The following HDAC9 variants were observed in gnomAD, a reference collection of about 807,000 sequenced individuals.
HDAC9 encodes histone deacetylase 9.
In HDAC9, 41 loss-of-function variants were observed where a neutral mutation model predicts 139.4. The ratio of observed to expected loss-of-function variants is 0.29; its 90% CI spans 0.23 to 0.38. HDAC9 has a LOEUF of 0.38. Ranked by LOEUF, HDAC9 falls within the 10% of genes least tolerant of loss-of-function variation. The pLI is 1.00. For missense variants in HDAC9, 1,147 were observed against 1,297.0 expected (o/e 0.88, Z 1.78); for synonymous variants, 517 against 476.2 (o/e 1.09, Z -1.12).
intron 22 of HDAC9, among the ~76,000 whole-genome samples, chr7:18,890,879 A>G (rs1800620989): frequency 6.6e-6 from 1 of 152,202 alleles, no homozygotes; most frequent in Non-Finnish European, 1.5e-5. Flanking sequence ...ATGAAAAGAC[A>G]AAGGTAAGCC....
intron 13 of HDAC9, among the ~76,000 whole-genome samples, chr7:18,729,939 C>A (rs1785896443): frequency 6.6e-6 from 1 of 152,054 alleles, no homozygotes; most frequent in African/African-American, 2.4e-5. Flanking sequence ...TTTGAATACA[C>A]TGAAAGTAAA....
At chr7:18,832,829 G>A (rs1043794456) in intron 19 of HDAC9, among the ~76,000 whole-genome samples, 2 of 151,936 alleles carry the variant, frequency 1.3e-5, no homozygotes, top group Admixed American at 6.6e-5. Flanking sequence ...TCCACCTCCC[G>A]GGTTCAAGCG....
At chr7:18,315,167 A>T (rs1309023968) in intron 1 of HDAC9, among the ~76,000 whole-genome samples, 1 of 152,224 alleles carries the variant, frequency 6.6e-6, no homozygotes, top group Non-Finnish European at 1.5e-5. Flanking sequence ...CTAATATAAG[A>T]CTAATAAGAA....
intron 1 of HDAC9, among the ~76,000 whole-genome samples, chr7:18,349,340 AC>A: frequency 6.6e-6 from 1 of 151,110 alleles, no homozygotes. Flanking sequence ...ACACACACAC[AC>A]ACACACACAC....
At chr7:18,779,965 C>G (rs147426297) in intron 16 of HDAC9, among the ~76,000 whole-genome samples, 2 of 152,132 alleles carry the variant, frequency 1.3e-5, no homozygotes, top group East Asian at 1.9e-4. Flanking sequence ...AGGCAGAGAG[C>G]CTTCATTTAG....
intron 22 of HDAC9, among the ~76,000 whole-genome samples, chr7:18,913,581 G>A (rs1365943998): frequency 6.6e-6 from 1 of 152,054 alleles, no homozygotes; most frequent in Non-Finnish European, 1.5e-5. Flanking sequence ...CAGAAAATAA[G>A]AGGACGCTTA....
At chr7:18,158,710 G>T (rs549951937) in intron 1 of HDAC9, among the ~76,000 whole-genome samples, 9 of 152,344 alleles carry the variant, frequency 5.9e-5, no homozygotes, top group African/African-American at 2.2e-4. Context: ...ATAAAGCTCT[G>T]CTGACTTGTG....
chr7:18,478,205 G>A (rs554044184), intron 1 of HDAC9, among the ~76,000 whole-genome samples: 13 of 152,162 alleles, frequency 8.5e-5, no homozygotes, highest in South Asian at 6.2e-4. Flanking sequence ...CCGAGTAGCT[G>A]GGACTACAGG....
intron 6 of HDAC9, among the ~76,000 whole-genome samples, chr7:18,624,726 A>G (rs1032261433): frequency 6.6e-6 from 1 of 151,904 alleles, no homozygotes; most frequent in Non-Finnish European, 1.5e-5. Context: ...GAGTCAGCAC[A>G]CTAGGCCATT....
intron 1 of HDAC9, among the ~76,000 whole-genome samples, chr7:18,453,852 A>T (rs983099482): frequency 6.6e-6 from 1 of 152,166 alleles, no homozygotes; most frequent in Non-Finnish European, 1.5e-5. Flanking sequence ...CAATCTACAG[A>T]TGAAAACCAG....
intron 2 of HDAC9, among the ~76,000 whole-genome samples, chr7:18,580,939 T>C (rs1037999811): frequency 9.9e-5 from 15 of 152,204 alleles, no homozygotes; most frequent in African/African-American, 3.4e-4. Context: ...TCACAAAAGA[T>C]GTAAGAAAAA....
At chr7:18,988,164 A>G (rs1175138270) in intron 25 of HDAC9, among the ~76,000 whole-genome samples, 4 of 151,886 alleles carry the variant, frequency 2.6e-5, no homozygotes, top group African/African-American at 4.8e-5. Flanking sequence ...TAGGGTGTCA[A>G]TTTTGGATCT....
chr7:18,846,021 A>T (rs1486672869), intron 21 of HDAC9, among the ~76,000 whole-genome samples: 1 of 152,168 alleles, frequency 6.6e-6, no homozygotes, highest in Non-Finnish European at 1.5e-5. Flanking sequence ...TACCAAGCCT[A>T]CGAAGGCTTT....
chr7:18,555,317 G>A (rs1442551345), intron 2 of HDAC9, among the ~76,000 whole-genome samples: 3 of 152,112 alleles, frequency 2.0e-5, no homozygotes, highest in African/African-American at 7.2e-5. Context: ...ATACTCAAAA[G>A]TCTGCATTTC....
At chr7:18,667,199 G>A in intron 12 of HDAC9, 1 of 985,232 alleles carries the variant, frequency 1.0e-6, no homozygotes, top group Non-Finnish European at 1.2e-6. Context: ...TGTGTAATTT[G>A]ATGACACTGT....
chr7:18,193,167 G>C (rs1244818546), intron 2 of HDAC9, among the ~76,000 whole-genome samples: 1 of 152,128 alleles, frequency 6.6e-6, no homozygotes, highest in Non-Finnish European at 1.5e-5. Context: ...CATGTTGGAT[G>C]GGTAGTTGGT....
chr7:18,800,106 G>A (rs1245413038), intron 17 of HDAC9, among the ~76,000 whole-genome samples: 1 of 152,212 alleles, frequency 6.6e-6, no homozygotes, highest in Admixed American at 6.6e-5. Flanking sequence ...GCAGTGGGAT[G>A]ACATCATCAA....
chr7:18,346,695 G>A (rs927371370), intron 1 of HDAC9, among the ~76,000 whole-genome samples: 2 of 152,100 alleles, frequency 1.3e-5, no homozygotes, highest in Non-Finnish European at 2.9e-5. Flanking sequence ...TTTTTGATAA[G>A]GTAATGGTCA....
At chr7:18,890,851 G>T (rs1457999112) in intron 22 of HDAC9, among the ~76,000 whole-genome samples, 1 of 152,158 alleles carries the variant, frequency 6.6e-6, no homozygotes, top group Non-Finnish European at 1.5e-5. Flanking sequence ...ATAGATGAAA[G>T]GATAGGTGGA....
Sources: allele counts gnomAD v4.1 joint callset (sites outside exome capture counted in the v4.1 genomes callset), GRCh38; gene constraint gnomAD v4.1.1; transcripts MANE v1.5; gene names NCBI Gene and HGNC (gene_info 2026-07-23, HGNC 2026-07-21).